CAST: variants seen among roughly 807,000 people sequenced by gnomAD.
CAST encodes the protein MIR583 host.
In CAST, 76 loss-of-function variants were observed where a neutral mutation model predicts 119.6. The observed-to-expected ratio is 0.64, with a 90% CI of 0.53 to 0.77. The LOEUF (loss-of-function observed/expected upper bound fraction) is 0.77, where lower values mean the gene tolerates loss of function less well. Among genes scored for constraint, CAST ranks in the 30% least tolerant of loss-of-function variants. The pLI is 0.00. For missense variants in CAST, 953 were observed against 946.5 expected, an observed-to-expected ratio of 1.01 and a Z score of -0.09; for synonymous variants, 319 against 331.6, an observed-to-expected ratio of 0.96 and a Z score of 0.41.
chr5:96,319,459 A>T, the CAST span, among the ~76,000 whole-genome samples: 1 of 152,186 alleles, frequency 6.6e-6, no homozygotes, highest in Non-Finnish European at 1.5e-5. Context: ...GAACCCAGGG[A>T]TTTGAACCCA....
the CAST span, among the ~76,000 whole-genome samples, chr5:96,125,369 A>C: frequency 6.6e-6 from 1 of 152,162 alleles, no homozygotes; most frequent in Non-Finnish European, 1.5e-5. Context: ...CAGTGACCTC[A>C]ATAATTTTTC....
At chr5:96,664,274 G>A (rs988716839) in intron 1 of CAST, among the ~76,000 whole-genome samples, 2 of 151,386 alleles carry the variant, frequency 1.3e-5, no homozygotes, top group Non-Finnish European at 2.9e-5. Flanking sequence ...TGTATAGTGT[G>A]TATGTGTGTA....
At chr5:96,622,445 A>G (rs1747630457) in intron 1 of CAST, among the ~76,000 whole-genome samples, 1 of 152,186 alleles carries the variant, frequency 6.6e-6, no homozygotes, top group African/African-American at 2.4e-5. Context: ...CTAAGGGAGA[A>G]AGAGAGAATG....
chr5:96,329,202 G>A, the CAST span, among the ~76,000 whole-genome samples: 6 of 152,314 alleles, frequency 3.9e-5, no homozygotes, highest in Admixed American at 3.9e-4. Flanking sequence ...GTGCAAGAGT[G>A]CAATTAGCCT....
chr5:96,003,623 A>G, the CAST span, among the ~76,000 whole-genome samples: 1 of 152,190 alleles, frequency 6.6e-6, no homozygotes, highest in African/African-American at 2.4e-5. Context: ...TTTCACAGTA[A>G]AAAATTACAA....
At chr5:96,400,298 T>C in the CAST span, 1 of 758,182 alleles carries the variant, frequency 1.3e-6, no homozygotes, top group Non-Finnish European at 2.4e-6. Flanking sequence ...CCTTTTGCTA[T>C]TGTAGTTATG....
At chr5:96,461,578 T>A in the CAST span, among the ~76,000 whole-genome samples, 2 of 152,218 alleles carry the variant, frequency 1.3e-5, no homozygotes, top group East Asian at 1.9e-4. Flanking sequence ...TTAGATAGAA[T>A]GATTCTGAAT....
the CAST span, among the ~76,000 whole-genome samples, chr5:96,034,900 T>A: frequency 6.6e-6 from 1 of 151,432 alleles, no homozygotes; most frequent in Non-Finnish European, 1.5e-5. Flanking sequence ...ATACATACAT[T>A]TAATGTCTCT....
chr5:96,541,834 T>C (rs567321496), intron 1 of CAST, among the ~76,000 whole-genome samples: 1 of 152,348 alleles, frequency 6.6e-6, no homozygotes, highest in Admixed American at 6.5e-5. Flanking sequence ...AATATTCCCT[T>C]GTATGCATAT....
intron 24 of CAST, 136 bp from the exon 25 acceptor site, chr5:96,762,136 TTA>T (rs929259250): frequency 2.2e-6 from 1 of 461,196 alleles, no homozygotes; most frequent in African/African-American, 2.0e-5. Flanking sequence ...TCTTTTAAAA[TTA>T]TATGTTATTA....
At chr5:96,262,770 C>T in the CAST span, among the ~76,000 whole-genome samples, 5 of 152,060 alleles carry the variant, frequency 3.3e-5, no homozygotes, top group African/African-American at 7.2e-5. Flanking sequence ...CTCCTGACCT[C>T]GTGATCCGCC....
chr5:96,194,316 A>G, the CAST span, among the ~76,000 whole-genome samples: 1 of 152,236 alleles, frequency 6.6e-6, no homozygotes, highest in Admixed American at 6.5e-5. Context: ...GACTCGCCTC[A>G]GACCTACTGA....
the CAST span, among the ~76,000 whole-genome samples, chr5:96,333,066 A>C: frequency 2.0e-5 from 3 of 151,620 alleles, no homozygotes; most frequent in Non-Finnish European, 4.4e-5. Flanking sequence ...GTCTTTTTAT[A>C]GCGTCTCTCC....
intron 1 of CAST, among the ~76,000 whole-genome samples, chr5:96,559,549 T>C (rs1746314417): frequency 6.6e-6 from 1 of 152,182 alleles, no homozygotes; most frequent in African/African-American, 2.4e-5. Context: ...TCACAAGCAT[T>C]CTTATACACC....
intron 25 of CAST, among the ~76,000 whole-genome samples, chr5:96,763,867 A>G (rs903232826): frequency 9.2e-5 from 14 of 152,158 alleles, no homozygotes; most frequent in South Asian, 2.1e-4. Flanking sequence ...TAAGCATGAC[A>G]GGGAAAAGCT....
intron 4 of CAST, among the ~76,000 whole-genome samples, chr5:96,726,157 C>A (rs1218728485): frequency 6.6e-6 from 1 of 152,190 alleles, no homozygotes; most frequent in Non-Finnish European, 1.5e-5. Flanking sequence ...TAATCTCTGA[C>A]TGAAAAGTTC....
intron 1 of CAST, among the ~76,000 whole-genome samples, chr5:96,649,134 T>C (rs17086472): frequency 0.062 from 9,492 of 152,292 alleles, 687 homozygotes; most frequent in East Asian, 0.27. Flanking sequence ...TTCATGCTGT[T>C]CAATCTTATA....
chr5:96,408,485 T>A, the CAST span, among the ~76,000 whole-genome samples: 1 of 152,230 alleles, frequency 6.6e-6, no homozygotes, highest in African/African-American at 2.4e-5. Context: ...ATGTTTGCCA[T>A]CTGCTGATAT....
At chr5:96,665,407 G>A (rs913691323) in intron 1 of CAST, among the ~76,000 whole-genome samples, 9 of 152,190 alleles carry the variant, frequency 5.9e-5, no homozygotes, top group African/African-American at 2.2e-4. Flanking sequence ...AAAATCCAAT[G>A]TATATTTACA....
Sources: allele counts gnomAD v4.1 joint callset (sites outside exome capture counted in the v4.1 genomes callset), GRCh38; gene constraint gnomAD v4.1.1; transcripts MANE v1.5; gene names NCBI Gene and HGNC (gene_info 2026-07-23, HGNC 2026-07-21).